Variants in HCLS1 observed in about 807,000 individuals in gnomAD.
HCLS1 encodes hematopoietic cell-specific Lyn substrate 1, also known as hematopoietic lineage cell-specific protein.
Under a neutral mutation model 68.6 loss-of-function variants are expected in HCLS1, and 44 were observed. That is an observed-to-expected ratio of 0.64 (90% CI 0.50 to 0.82). The LOEUF (loss-of-function observed/expected upper bound fraction) is 0.82, where lower values mean the gene tolerates loss of function less well. HCLS1 is among the 40% of genes least tolerant of loss of function. The pLI is 0.00. For missense variants in HCLS1, 602 were observed against 612.1 expected, an observed-to-expected ratio of 0.98 and a Z score of 0.17; for synonymous variants, 217 against 225.8, an observed-to-expected ratio of 0.96 and a Z score of 0.35.
In HCLS1 at chr3:121,632,345, A is replaced by T. The variant is rs2049105520; in HGVS notation, c.1227T>A (p.Ser409=). ...CCCATCACTCACCAGCCAGAGCAGA[A>T]GAAAAAGAAGAATCTTCAGGCTCGA... is the stretch of plus-strand genomic sequence containing the variant. The part of the protein sequence containing the change: ...EVLEPEDSSF[S]SALAGSSGCP... The change falls in exon 12 of 14, where the codon TCT becomes TCA. Residue 409 remains serine (S), a synonymous_variant. Coordinates refer to ENST00000314583, the MANE Select transcript of HCLS1 (RefSeq NM_005335.6). 1.9e-6 allele frequency: 3 copies of T among 1,614,040 alleles called. No individual in the cohort carries two copies. In the Admixed American group the frequency reaches 5.0e-5, roughly 27 times the overall value.
At chr3:121,647,681 A>C (rs1937643195) in intron 3 of HCLS1, among the ~76,000 whole-genome samples, 1 of 152,206 alleles carries the variant, frequency 6.6e-6, no homozygotes, top group Admixed American at 6.5e-5. Context: ...TTATTTGCTC[A>C]CTAAAATAAC....
intron 9 of HCLS1, among the ~76,000 whole-genome samples, chr3:121,635,375 T>C (rs1270676532): frequency 1.3e-5 from 2 of 151,756 alleles, no homozygotes; most frequent in Non-Finnish European, 2.9e-5. Context: ...CCTCCTGGGT[T>C]CAAGTGATTC....
At position 121,633,141 on chromosome 3, in the gene HCLS1, A is replaced by C; in HGVS notation, c.934T>G (p.Ser312Ala). 6.2e-7 allele frequency: 1 copy of C among 1,611,906 alleles called. No individual in the cohort carries two copies. Among genetic ancestry groups the C allele is most frequent in the Non-Finnish European group, 8.5e-7 (1 of 1,178,988 alleles). Residue 312 changes from serine (S) to alanine (A), a missense_variant, in exon 11 of 14, where the codon TCA becomes GCA. Ser to Ala is a moderately conservative substitution (Grantham distance 99, BLOSUM62 1). Transcript: ENST00000314583. ...AWPPVGTPPS[S>A]ESEPVRTSRE... is the part of the protein sequence containing the mutation. ...CTGGTTCTCACAGGCTCAGACTCTG[A>C]TGATGGAGGAGTCCCAACTGGAGGC...
At chr3:121,652,051 A>C (rs1285522553) in intron 3 of HCLS1, among the ~76,000 whole-genome samples, 1 of 152,246 alleles carries the variant, frequency 6.6e-6, no homozygotes, top group African/African-American at 2.4e-5. Flanking sequence ...GGGACACTAC[A>C]TGACAATATA....
At chr3:121,634,446 G>A (rs775470849) in intron 9 of HCLS1, 28 bp from the exon 10 acceptor site, 10 of 1,609,472 alleles carry the variant, frequency 6.2e-6, no homozygotes, top group South Asian at 1.1e-5. Flanking sequence ...AAAAATTAGG[G>A]TTGTCTTGGA....
intron 6 of HCLS1, among the ~76,000 whole-genome samples, chr3:121,637,499 TC>T (rs1162401250): frequency 1.3e-5 from 2 of 152,004 alleles, no homozygotes; most frequent in African/African-American, 2.4e-5. Context: ...TCCCATTTTC[TC>T]CCTTCTTCTT....
chr3:121,631,630 G>T lies in HCLS1; in HGVS notation c.*216C>A, dbSNP rs2049098009. The T allele has an allele frequency of 1.8e-6, 1 of 546,806 alleles. No individual in the cohort carries two copies. 33.9% of individuals were successfully genotyped at this position (546,806 alleles called of 1,614,324 possible). On this transcript the variant is annotated 3_prime_UTR_variant, in exon 14 of 14. Transcript: ENST00000314583. The stretch of plus-strand genomic sequence containing the variant: ...TTGGGAAGGAGTCAGGAACACAAGA[G>T]AAATGTTCATGAGCTCATCCAGGAT...
intron 6 of HCLS1, among the ~76,000 whole-genome samples, chr3:121,639,453 G>C (rs1430367956): frequency 1.3e-5 from 2 of 152,054 alleles, no homozygotes; most frequent in Admixed American, 1.3e-4. Context: ...ATCAATAACA[G>C]CTTTTAAATA....
chr3:121,650,023 C>A (rs1438892447), intron 3 of HCLS1, among the ~76,000 whole-genome samples: 1 of 152,064 alleles, frequency 6.6e-6, no homozygotes, highest in East Asian at 1.9e-4. Flanking sequence ...ATATCAAAAT[C>A]AATTGTATTT....
At chr3:121,656,981 C>T in intron 3 of HCLS1, 1 of 285,352 alleles carries the variant, frequency 3.5e-6, no homozygotes, top group Non-Finnish European at 6.6e-6. Context: ...ATCTCTCATG[C>T]CTTACTAAAG....
chr3:121,657,466 C>G, intron 2 of HCLS1, 114 bp from the exon 3 acceptor site: 1 of 886,742 alleles, frequency 1.1e-6, no homozygotes. Context: ...CTTCTTCAGT[C>G]TGGGTCTTTA....
chr3:121,633,306 C>A (rs2049118624), intron 10 of HCLS1, 135 bp from the exon 11 acceptor site: 1 of 599,234 alleles, frequency 1.7e-6, no homozygotes, highest in Non-Finnish European at 3.0e-6. Flanking sequence ...ACCTCCGCCT[C>A]CCAGGTTCAA....
At chr3:121,643,202 C>T (rs1362764054) in intron 5 of HCLS1, 6 of 425,158 alleles carry the variant, frequency 1.4e-5, no homozygotes, top group African/African-American at 3.9e-5. Context: ...CCCTACATCC[C>T]CTATTTATAG....
intron 6 of HCLS1, among the ~76,000 whole-genome samples, chr3:121,641,936 C>A (rs916099472): frequency 3.3e-5 from 5 of 149,288 alleles, no homozygotes; most frequent in African/African-American, 9.9e-5. Flanking sequence ...AAAAATTAGC[C>A]CGGCGTAGTG....
In HCLS1 at chr3:121,642,046, C is replaced by G. The variant is rs1207086349; in HGVS notation, c.454+881G>C. 4.2e-4 allele frequency among the ~76,000 whole-genome samples: 60 copies of G among 141,874 alleles called. 1 individual carries two copies. The highest frequency in any genetic ancestry group is 1.8e-4 in the Non-Finnish European group (12 of 66,054). 93.1% of individuals were successfully genotyped at this position (141,874 alleles called of 152,430 possible). ...AGTGAGCCGAGATCCAGCCACTGCA[C>G]TCCAGCCTGGGCGACAGAGCCAGAC... is the stretch of plus-strand genomic sequence containing the variant. On this transcript the variant is annotated intron_variant, in intron 6 of 13. Coordinates refer to ENST00000314583, the MANE Select transcript of HCLS1 (RefSeq NM_005335.6).
At chr3:121,637,684 C>T (rs2049162835) in intron 6 of HCLS1, among the ~76,000 whole-genome samples, 1 of 152,046 alleles carries the variant, frequency 6.6e-6, no homozygotes, top group Admixed American at 6.6e-5. Flanking sequence ...GCCTGTAATC[C>T]CAGCACTTCA....
In HCLS1 at chr3:121,632,557, C is replaced by A; in HGVS notation, c.1015G>T (p.Glu339Ter). 1 of 1,611,890 alleles carries A rather than the reference C, an allele frequency of 6.2e-7. No individual in the cohort carries two copies. The highest frequency in any genetic ancestry group is 8.5e-7 in the Non-Finnish European group (1 of 1,179,850). The stretch of plus-strand genomic sequence containing the variant: ...CTAGGGGGCAGAGCTGGGGGCTCCT[C>A]ATTGTCCTGAGAAGAGACAGTGTGG... ...PIRQTLPEDN[E>*]EPPALPPRTL... is the part of the protein sequence containing the mutation. Residue 339 changes from glutamate to a stop codon, truncating the protein, a stop_gained, in exon 12 of 14, where the codon GAG becomes TAG. Coordinates refer to ENST00000314583, the MANE Select transcript of HCLS1 (RefSeq NM_005335.6). LOFTEE classifies it high-confidence loss of function.
chr3:121,643,059 G>T, intron 5 of HCLS1, 78 bp from the exon 6 acceptor site: 1 of 1,161,914 alleles, frequency 8.6e-7, no homozygotes, highest in African/African-American at 1.5e-5. Context: ...CTTACTCCCA[G>T]CCAGCCCCAG....
intron 11 of HCLS1, 81 bp downstream of exon 11, chr3:121,632,986 G>A (rs2049114458): frequency 4.4e-6 from 4 of 919,278 alleles, no homozygotes; most frequent in Non-Finnish European, 6.8e-6. Flanking sequence ...AAACCAGGAT[G>A]GTTGGCCACC....
Sources: gnomAD v4.1 joint callset for allele counts (sites outside exome capture counted in the v4.1 genomes callset) on GRCh38, gnomAD v4.1.1 for gene constraint, MANE v1.5 for transcripts, NCBI Gene and HGNC (gene_info 2026-07-23, HGNC 2026-07-21) for gene names.